The following LRBA variants were observed in gnomAD, a reference collection of about 807,000 sequenced individuals.
The protein encoded by LRBA is LPS responsive beige-like anchor protein, also known as lipopolysaccharide-responsive and beige-like anchor protein.
In LRBA, 176 loss-of-function variants were observed where a neutral mutation model predicts 330.0. The observed-to-expected ratio is 0.53, with a 90% CI of 0.47 to 0.60. The LOEUF (loss-of-function observed/expected upper bound fraction) is 0.60. LRBA is among the 20% of genes least tolerant of loss of function. The pLI, the probability that LRBA is intolerant of heterozygous loss-of-function variation, is 0.00. For synonymous variants in LRBA, 1,230 were observed against 1,193.0 expected (o/e 1.03, Z -0.64); for missense variants, 3,259 against 3,444.8 (o/e 0.95, Z 1.35).
intron 2 of LRBA, among the ~76,000 whole-genome samples, chr4:151,009,745 C>G (rs1744583817): frequency 6.6e-6 from 1 of 151,988 alleles, no homozygotes; most frequent in Non-Finnish European, 1.5e-5. Flanking sequence ...CTTTGAGAGG[C>G]CAGGGCGGGT....
At chr4:150,723,520 A>T (rs566085483) in intron 36 of LRBA, among the ~76,000 whole-genome samples, 1 of 152,276 alleles carries the variant, frequency 6.6e-6, no homozygotes, top group African/African-American at 2.4e-5. Flanking sequence ...CATCACCTGC[A>T]GATTAAAGAA....
intron 34 of LRBA, among the ~76,000 whole-genome samples, chr4:150,771,541 G>A (rs898775780): frequency 6.6e-6 from 1 of 152,166 alleles, no homozygotes; most frequent in East Asian, 1.9e-4. Flanking sequence ...ACGGCATGCA[G>A]GGAAGATAAA....
intron 17 of LRBA, among the ~76,000 whole-genome samples, chr4:150,890,422 A>G (rs896756509): frequency 2.6e-5 from 4 of 152,186 alleles, no homozygotes; most frequent in Admixed American, 1.3e-4. Flanking sequence ...CTTCCAGCAA[A>G]TAGCCAGGCT....
At chr4:150,601,712 G>A (rs1332847034) in intron 37 of LRBA, among the ~76,000 whole-genome samples, 1 of 151,258 alleles carries the variant, frequency 6.6e-6, no homozygotes, top group Non-Finnish European at 1.5e-5. Context: ...TTCTTTTTGA[G>A]TTGGAGTCTC....
intron 40 of LRBA, among the ~76,000 whole-genome samples, chr4:150,532,297 T>G (rs894378248): frequency 6.6e-6 from 1 of 152,226 alleles, no homozygotes; most frequent in African/African-American, 2.4e-5. Context: ...TTCTCCTTTG[T>G]TGAATACACA....
At chr4:150,671,237 G>A (rs902680532) in intron 37 of LRBA, among the ~76,000 whole-genome samples, 3 of 151,898 alleles carry the variant, frequency 2.0e-5, no homozygotes, top group Admixed American at 1.3e-4. Flanking sequence ...AACCCTTCCT[G>A]TATCTCTTTT....
intron 50 of LRBA, among the ~76,000 whole-genome samples, chr4:150,320,481 G>T (rs1732342665): frequency 6.6e-6 from 1 of 151,840 alleles, no homozygotes; most frequent in Non-Finnish European, 1.5e-5. Context: ...GCACAAAAAG[G>T]TACAGTTTCT....
chr4:150,560,006 G>A (rs188392913), intron 40 of LRBA, among the ~76,000 whole-genome samples: 157 of 132,146 alleles, frequency 1.2e-3, no homozygotes, highest in Admixed American at 1.7e-3. Context: ...GTCCATCGAT[G>A]AAACTCAAGT....
chr4:150,419,231 C>T (rs1581252048), intron 46 of LRBA, among the ~76,000 whole-genome samples: 2 of 152,128 alleles, frequency 1.3e-5, no homozygotes, highest in East Asian at 3.8e-4. Flanking sequence ...ATAGTGGCCC[C>T]ATGCATGGTG....
At chr4:150,448,324 G>A (rs1752864016) in intron 44 of LRBA, among the ~76,000 whole-genome samples, 1 of 152,176 alleles carries the variant, frequency 6.6e-6, no homozygotes, top group Admixed American at 6.5e-5. Context: ...GAATGTTGCT[G>A]TCATTGTAAC....
In LRBA at chr4:150,583,598, C is replaced by T; in HGVS notation, c.6330+4450G>A. The T allele has an allele frequency of 6.2e-7, 1 of 1,614,000 alleles. No individual in the cohort carries two copies. Among genetic ancestry groups the T allele is most frequent in the Middle Eastern group, 1.6e-4 (1 of 6,062 alleles). ...CGCAGCGCGGCACAGTGGCCTATGC[C>T]CCACATCCCTTGGCCCGGCCCCAAT... On this transcript the variant is annotated intron_variant, in intron 40 of 56. Coordinates refer to ENST00000651943, the MANE Select transcript of LRBA (RefSeq NM_001364905.1). This position sits in a 1 kb window ranked among gnomAD's most constrained non-coding sequence, Gnocchi z 9.8.
intron 46 of LRBA, among the ~76,000 whole-genome samples, chr4:150,420,350 C>CATTATAGTATAAAGTATATATAATAT: frequency 7.0e-6 from 1 of 141,976 alleles, no homozygotes; most frequent in Admixed American, 7.1e-5. Flanking sequence ...ATATATAATA[C>CATTATAGTATAAAGTATATATAATAT]ACATTATAGT....
At chr4:150,910,111 T>C (rs1383803399) in intron 9 of LRBA, among the ~76,000 whole-genome samples, 4 of 152,164 alleles carry the variant, frequency 2.6e-5, no homozygotes, top group Admixed American at 6.6e-5. Context: ...AGGTTACCTT[T>C]CCACTCTGCT....
intron 37 of LRBA, among the ~76,000 whole-genome samples, chr4:150,606,645 A>G (rs937422676): frequency 1.3e-5 from 2 of 152,208 alleles, no homozygotes; most frequent in African/African-American, 4.8e-5. Flanking sequence ...AAATACTGCT[A>G]TTCTCATTTT....
chr4:150,553,008 G>T (rs928593784), intron 40 of LRBA, among the ~76,000 whole-genome samples: 3 of 151,634 alleles, frequency 2.0e-5, no homozygotes, highest in Admixed American at 6.6e-5. Flanking sequence ...AACGGAGCTT[G>T]CAGTGAGCCG....
chr4:150,776,172 C>T (rs1443194448), intron 34 of LRBA, among the ~76,000 whole-genome samples: 1 of 152,094 alleles, frequency 6.6e-6, no homozygotes, highest in Non-Finnish European at 1.5e-5. Flanking sequence ...TAATTCATGG[C>T]TGGGTGCAGT....
chr4:150,881,011 T>C (rs1240127411), intron 17 of LRBA, among the ~76,000 whole-genome samples: 4 of 152,144 alleles, frequency 2.6e-5, no homozygotes, highest in Admixed American at 6.5e-5. Context: ...CCAGTCAGAA[T>C]AGCTATTACT....
At chr4:150,873,580 ACT>A (rs1753677260) in intron 17 of LRBA, among the ~76,000 whole-genome samples, 1 of 151,298 alleles carries the variant, frequency 6.6e-6, no homozygotes, top group African/African-American at 2.4e-5. Flanking sequence ...ACACAGTGAG[ACT>A]CTGTCTCAAA....
intron 31 of LRBA, among the ~76,000 whole-genome samples, chr4:150,811,769 T>G (rs1032358093): frequency 1.3e-5 from 2 of 152,174 alleles, no homozygotes; most frequent in African/African-American, 4.8e-5. Context: ...CCTCTCAAAG[T>G]GCTGGGACTA....
Sources: allele counts gnomAD v4.1 joint callset (sites outside exome capture counted in the v4.1 genomes callset), GRCh38; gene constraint gnomAD v4.1.1; non-coding constraint Gnocchi (gnomAD v3.1); transcripts MANE v1.5; gene names NCBI Gene and HGNC (gene_info 2026-07-23, HGNC 2026-07-21).